The following SEC14L3 variants were observed in gnomAD, a reference collection of about 807,000 sequenced individuals.
SEC14L3 encodes the protein SEC14-like protein 3.
SEC14L3 carries 56 observed loss-of-function variants against 57.4 expected under a neutral mutation model. That is an observed-to-expected ratio of 0.97 (90% CI 0.79 to 1.22). The LOEUF is 1.22. SEC14L3 is among the 50% of genes most tolerant of loss of function. SEC14L3 has a pLI of 0.00. For missense variants in SEC14L3, 485 were observed against 511.7 expected (o/e 0.95, Z 0.50); for synonymous variants, 173 against 194.4 (o/e 0.89, Z 0.92).
chr22:30,449,118 C>T (rs1204284339), exon 13 of SEC14L3: 2 of 1,550,480 alleles, frequency 1.3e-6, no homozygotes, highest in African/African-American at 1.4e-5. Context: ...TAAAGGCCTA[C>T]TTAGCTTGCA....
At chr22:30,450,514 G>T (rs1934960820) in intron 12 of SEC14L3, among the ~76,000 whole-genome samples, 1 of 152,120 alleles carries the variant, frequency 6.6e-6, no homozygotes, top group African/African-American at 2.4e-5. Flanking sequence ...TATTGGCCAG[G>T]CTAGTCTCGA....
chr22:30,449,563 CTTTTCTTT>C (rs775239385), intron 12 of SEC14L3, among the ~76,000 whole-genome samples: 3 of 140,846 alleles, frequency 2.1e-5, no homozygotes, highest in South Asian at 2.2e-4. Context: ...CTTTTCTTTT[CTTTTCTTT>C]TTTTTTTTTT....
At chr22:30,470,322 G>T (rs1202180088) in intron 2 of SEC14L3, 67 bp from the exon 3 acceptor site, 1 of 1,596,630 alleles carries the variant, frequency 6.3e-7, no homozygotes, top group African/African-American at 1.3e-5. Context: ...GCCAGTGGGA[G>T]CTATGGAGGA....
chr22:30,459,856 T>C lies in SEC14L3; in HGVS notation c.*165A>G, dbSNP rs1935194696. On this transcript the variant is annotated 3_prime_UTR_variant, in exon 12 of 12. Transcript: ENST00000215812. ...CAAGGTTGTGCCTCTCATACCTTTC[T>C]TGATCTGACCACAGTAGATGAGTTT... 3 of 1,370,116 alleles carry C rather than the reference T, an allele frequency of 2.2e-6. No individual in the cohort carries two copies. The highest frequency in any genetic ancestry group is 1.4e-5 in the African/African-American group (1 of 69,026). 84.9% of individuals were successfully genotyped at this position (1,370,116 alleles called of 1,614,324 possible). A position where few individuals can be genotyped will look rare whatever the true frequency, so the allele number is the denominator to read the frequency against.
chr22:30,455,757 G>A (rs550773744), downstream of SEC14L3, among the ~76,000 whole-genome samples: 10 of 152,286 alleles, frequency 6.6e-5, no homozygotes, highest in Admixed American at 1.3e-4. Flanking sequence ...TGGGAGCCTC[G>A]CCTTTTGGCC....
intron 8 of SEC14L3, among the ~76,000 whole-genome samples, chr22:30,464,076 T>G (rs114360874): frequency 2.2e-4 from 34 of 152,348 alleles, no homozygotes; most frequent in Non-Finnish European, 3.8e-4. Flanking sequence ...TATTCACATA[T>G]AGCCTTATTT....
At chr22:30,470,319 G>A in intron 2 of SEC14L3, 64 bp from the exon 3 acceptor site, 1 of 1,597,204 alleles carries the variant, frequency 6.3e-7, no homozygotes, top group South Asian at 1.1e-5. Context: ...CTGGCCAGTG[G>A]GAGCTATGGA....
At chr22:30,466,469 GT>G in intron 6 of SEC14L3, 75 bp from the exon 7 acceptor site, 1 of 1,606,548 alleles carries the variant, frequency 6.2e-7, no homozygotes, top group East Asian at 2.2e-5. Flanking sequence ...GCAATCTCCT[GT>G]TGGGAGGTTT....
At chr22:30,463,762 C>G (rs535845179) in intron 8 of SEC14L3, among the ~76,000 whole-genome samples, 3 of 152,318 alleles carry the variant, frequency 2.0e-5, no homozygotes, top group Non-Finnish European at 4.4e-5. Context: ...TATTTCCCTT[C>G]TCTCTCTTTC....
downstream of SEC14L3, among the ~76,000 whole-genome samples, chr22:30,455,172 T>G (rs1280275361): frequency 8.6e-6 from 1 of 116,140 alleles, no homozygotes; most frequent in Non-Finnish European, 1.6e-5. Context: ...ATTTAATATA[T>G]TATATTTAAT....
intron 4 of SEC14L3, 102 bp downstream of exon 4, chr22:30,469,917 G>A (rs1208753390): frequency 2.4e-6 from 2 of 850,374 alleles, no homozygotes; most frequent in East Asian, 2.5e-5. Context: ...AGGCCTGCGG[G>A]TTCCACAGGC....
At chr22:30,461,857 G>A (rs767604250) in intron 9 of SEC14L3, 163 bp from the exon 10 acceptor site, 25 of 584,054 alleles carry the variant, frequency 4.3e-5, no homozygotes, top group South Asian at 1.5e-4. Context: ...GGGCCAGTGC[G>A]TCTGCTGGGA....
chr22:30,461,648 T>G lies in SEC14L3; in HGVS notation c.818A>C (p.Gln273Pro). Reference sequence around the variant, plus strand: ...CGAGTGCTCGTACTGAGTCTTCACCTGGTCCCGCACGTACATGGACTTGGG... The same window carrying G: ...CGAGTGCTCGTACTGAGTCTTCACCGGGTCCCGCACGTACATGGACTTGGG... The part of the protein sequence containing the change: ...EIPKSMYVRD[Q>P]VKTQYEHSVQ... Residue 273 changes from glutamine to proline, a missense_variant, in exon 10 of 12, where the codon CAG (glutamine) becomes CCG (proline). Physicochemically the swap from Gln to Pro is moderately conservative, Grantham distance 76. Coordinates refer to ENST00000215812, the MANE Select transcript of SEC14L3 (RefSeq NM_174975.5). The G allele has an allele frequency of 6.2e-7, 1 of 1,613,742 alleles. No homozygotes were observed. Among genetic ancestry groups the G allele is most frequent in the African/African-American group, 1.3e-5 (1 of 75,030 alleles).
At chr22:30,465,403 C>T (rs1935386409) in intron 7 of SEC14L3, among the ~76,000 whole-genome samples, 2 of 152,236 alleles carry the variant, frequency 1.3e-5, no homozygotes, top group Non-Finnish European at 2.9e-5. Context: ...AATAACCAGC[C>T]AGCCAACCAT....
intron 12 of SEC14L3, among the ~76,000 whole-genome samples, chr22:30,452,457 G>C (rs1372131753): frequency 5.9e-5 from 9 of 151,668 alleles, no homozygotes; most frequent in Non-Finnish European, 8.8e-5. Context: ...TGTTGGCCAG[G>C]CTGGTCTCAA....
chr22:30,460,626 G>C (rs1977783357), intron 11 of SEC14L3, among the ~76,000 whole-genome samples: 1 of 152,114 alleles, frequency 6.6e-6, no homozygotes, highest in Admixed American at 6.5e-5. Context: ...TTGAGGTCAG[G>C]AGTTCGAGAG....
At chr22:30,470,626 C>T in intron 1 of SEC14L3, 44 bp from the exon 2 acceptor site, 1 of 1,613,530 alleles carries the variant, frequency 6.2e-7, no homozygotes, top group Non-Finnish European at 8.5e-7. Flanking sequence ...TCACATTGAG[C>T]CTTGGCCTCC....
At chr22:30,467,237 C>G (rs1935447188) in intron 5 of SEC14L3, 160 bp from the exon 6 acceptor site, 1 of 507,778 alleles carries the variant, frequency 2.0e-6, no homozygotes, top group Admixed American at 7.1e-5. Context: ...ACTCATCCAT[C>G]CATCCATCCA....
chr22:30,468,594 A>G lies in SEC14L3; in HGVS notation c.337T>C (p.Phe113Leu). 1 of 1,614,000 alleles carries G rather than the reference A, an allele frequency of 6.2e-7. No individual in the cohort carries two copies. The highest frequency in any genetic ancestry group is 1.1e-5 in the South Asian group (1 of 91,028). Residue 113 changes from phenylalanine to leucine, a missense_variant, in exon 5 of 12, where the codon TTC becomes CTC. Transcript: ENST00000215812. ...AGCAGGTCCTGCTTGGTGACTGAGA[A>G]GAGCAACCCCTTGGGATCAAGTGGC... ...IGPLDPKGLL[F>L]SVTKQDLLKT...
Sources: gnomAD v4.1 joint callset for allele counts (sites outside exome capture counted in the v4.1 genomes callset) on GRCh38, gnomAD v4.1.1 for gene constraint, MANE v1.5 for transcripts, NCBI Gene and HGNC (gene_info 2026-07-23, HGNC 2026-07-21) for gene names.